OSBPL3: variants seen among roughly 807,000 people sequenced by gnomAD.
OSBPL3 encodes oxysterol binding protein like 3.
OSBPL3 carries 65 observed loss-of-function variants against 120.1 expected under a neutral mutation model. The observed-to-expected ratio is 0.54, with a 90% confidence interval of 0.44 to 0.67. The LOEUF is 0.67. OSBPL3 is among the 30% of genes least tolerant of loss of function. The pLI, the probability that OSBPL3 is intolerant of heterozygous loss-of-function variation, is 0.00. For missense variants in OSBPL3, 1,004 were observed against 1,082.1 expected (o/e 0.93, Z 1.01); for synonymous variants, 416 against 402.6 (o/e 1.03, Z -0.40).
chr7:24,817,477 G>A lies in OSBPL3; in HGVS notation c.1949-789C>T, dbSNP rs2128133614. On this transcript the variant is annotated intron_variant, in intron 17 of 22. Coordinates refer to ENST00000313367, the MANE Select transcript of OSBPL3 (RefSeq NM_015550.4). This position sits in a 1 kb window ranked among gnomAD's most constrained non-coding sequence, Gnocchi z 4.0. ...GCCAAGATCATGCCATTGCACTCCA[G>A]CCTGGGTGATGGAGTGAGATTCTGC... Among the ~76,000 whole-genome samples the A allele has an allele frequency of 6.6e-6, 1 of 152,240 alleles. No homozygotes were observed. The highest frequency in any genetic ancestry group is 1.5e-5 in the Non-Finnish European group (1 of 68,022).
intron 16 of OSBPL3, among the ~76,000 whole-genome samples, chr7:24,828,867 A>G (rs1293213683): frequency 6.6e-6 from 1 of 152,134 alleles, no homozygotes; most frequent in Non-Finnish European, 1.5e-5. Context: ...GCAGGTCTGT[A>G]CATCCTACAC....
intron 6 of OSBPL3, 29 bp downstream of exon 6, chr7:24,866,041 A>G (rs1057031561): frequency 1.9e-6 from 3 of 1,590,238 alleles, no homozygotes; most frequent in Non-Finnish European, 1.7e-6. Flanking sequence ...CCCCGTTCTC[A>G]GATTCATTAT....
At chr7:24,917,401 C>CATATATATAT (rs59525014) in intron 1 of OSBPL3, among the ~76,000 whole-genome samples, 2,870 of 99,898 alleles carry the variant, frequency 0.029, 77 homozygotes, top group African/African-American at 0.04. Flanking sequence ...ATATTTGTAA[C>CATATATATAT]ATATATATAT....
intron 1 of OSBPL3, among the ~76,000 whole-genome samples, chr7:24,897,796 C>CA (rs35730838): frequency 1.3e-5 from 2 of 152,106 alleles, no homozygotes; most frequent in Non-Finnish European, 2.9e-5. Context: ...ACTAGCTCTC[C>CA]AAAAAAGCAA....
rs1806822214 is a variant in OSBPL3 at position 24,900,446 on chromosome 7, A to T, written c.-149-7825T>A. 6.6e-6 allele frequency among the ~76,000 whole-genome samples: 1 copy of T among 152,232 alleles called. No homozygotes were observed. Among genetic ancestry groups the T allele is most frequent in the Non-Finnish European group, 1.5e-5 (1 of 68,042 alleles). On this transcript the variant is annotated intron_variant, in intron 1 of 22. Coordinates refer to ENST00000313367, the MANE Select transcript of OSBPL3 (RefSeq NM_015550.4). The surrounding 1 kb of genome is among the most constrained non-coding windows in gnomAD (Gnocchi z 4.5). Reference sequence around the variant, plus strand: ...GCTTCGTATATATCGTTTCACTTGAAGTCACAGTTTCCAAGAACTTATCAA... The same window carrying T: ...GCTTCGTATATATCGTTTCACTTGATGTCACAGTTTCCAAGAACTTATCAA...
chr7:24,918,118 T>A lies in OSBPL3; in HGVS notation c.-149-25497A>T. On this transcript the variant is annotated intron_variant, in intron 1 of 22. Coordinates refer to ENST00000313367, the MANE Select transcript of OSBPL3 (RefSeq NM_015550.4). The surrounding 1 kb of genome is among the most constrained non-coding windows in gnomAD (Gnocchi z 4.3). The stretch of plus-strand genomic sequence containing the variant: ...TGCTGTTTCTCAGTGTGTATCAGGC[T>A]CACAGCAGCCAGTAATGACACCTGG... The A allele has an allele frequency of 1.0e-6, 1 of 979,204 alleles. No homozygotes were observed. Among genetic ancestry groups the A allele is most frequent in the Non-Finnish European group, 1.2e-6 (1 of 824,298 alleles). The allele number at this position is 979,204 out of a possible 1,614,324, so 60.7% of individuals were successfully genotyped here.
intron 1 of OSBPL3, among the ~76,000 whole-genome samples, chr7:24,961,761 AG>A (rs1815769358): frequency 6.6e-6 from 1 of 152,214 alleles, no homozygotes; most frequent in African/African-American, 2.4e-5. Flanking sequence ...GGGCGCACCA[AG>A]GACTGGCAGT....
In OSBPL3 at chr7:24,938,478, C is replaced by G. The variant is rs559652606; in HGVS notation, c.-150+41408G>C. Among the ~76,000 whole-genome samples the G allele has an allele frequency of 2.6e-5, 4 of 152,314 alleles. No homozygotes were observed. Among genetic ancestry groups the G allele is most frequent in the African/African-American group, 9.6e-5 (4 of 41,570 alleles). On this transcript the variant is annotated intron_variant, in intron 1 of 22. Coordinates refer to ENST00000313367, the MANE Select transcript of OSBPL3 (RefSeq NM_015550.4). The surrounding 1 kb of genome is among the most constrained non-coding windows in gnomAD (Gnocchi z 5.8). The stretch of plus-strand genomic sequence containing the variant: ...GGTAGGCATTCCAAAGCTGATATGG[C>G]AGCTTCATGGTTATAATGACCAAAG...
intron 19 of OSBPL3, 106 bp downstream of exon 19, chr7:24,814,953 T>G: frequency 9.6e-7 from 1 of 1,041,102 alleles, no homozygotes; most frequent in Non-Finnish European, 1.4e-6. Context: ...GCTTGCCTGC[T>G]GGCATAAAGG....
chr7:24,940,146 T>C lies in OSBPL3; in HGVS notation c.-150+39740A>G, dbSNP rs1812911364. Among the ~76,000 whole-genome samples, 1 of 152,168 alleles carries C rather than the reference T, an allele frequency of 6.6e-6. No individual in the cohort carries two copies. Among genetic ancestry groups the C allele is most frequent in the South Asian group, 2.1e-4 (1 of 4,830 alleles). On this transcript the variant is annotated intron_variant, in intron 1 of 22. Transcript: ENST00000313367. This position sits in a 1 kb window ranked among gnomAD's most constrained non-coding sequence, Gnocchi z 4.4. ...ATTCTTGAAGAGCATAATAAAGGTT[T>C]GAAATAGCTGCTACAAAAAAAATGG...
At chr7:24,906,313 G>A (rs1807904646) in intron 1 of OSBPL3, 3 of 248,134 alleles carry the variant, frequency 1.2e-5, no homozygotes, top group Non-Finnish European at 2.5e-5. Context: ...CCACTTATAG[G>A]AGGTGCAGGC....
chr7:24,866,312 G>T, intron 5 of OSBPL3, 75 bp from the exon 6 acceptor site: 2 of 1,100,250 alleles, frequency 1.8e-6, no homozygotes, highest in Non-Finnish European at 1.4e-6. Context: ...TCAAATTGAG[G>T]CCACTCTCAA....
At chr7:24,887,761 G>A (rs1804742992) in intron 2 of OSBPL3, among the ~76,000 whole-genome samples, 1 of 152,130 alleles carries the variant, frequency 6.6e-6, no homozygotes, top group South Asian at 2.1e-4. Context: ...TAAAAACACG[G>A]CAATCTTTCC....
intron 1 of OSBPL3, among the ~76,000 whole-genome samples, chr7:24,893,502 T>G (rs1805660990): frequency 6.6e-6 from 1 of 152,262 alleles, no homozygotes; most frequent in East Asian, 1.9e-4. Flanking sequence ...CAGTTTCTTT[T>G]TGGTGTGATA....
At chr7:24,981,678 G>A (rs1170913326), upstream of OSBPL3, 3 of 152,716 alleles carry the variant, frequency 2.0e-5, no homozygotes, top group Admixed American at 6.5e-5. The surrounding 1 kb of genome is among the most constrained non-coding windows in gnomAD (Gnocchi z 7.3). Flanking sequence ...GCGAGGGCGG[G>A]AGGCGCCAGA....
chr7:24,926,506 C>T (rs1156717100), intron 1 of OSBPL3, among the ~76,000 whole-genome samples: 1 of 152,194 alleles, frequency 6.6e-6, no homozygotes, highest in African/African-American at 2.4e-5. Flanking sequence ...ACATACAAGG[C>T]TCAATTACCC....
At chr7:24,978,283 GA>G (rs1817806487) in intron 1 of OSBPL3, among the ~76,000 whole-genome samples, 1 of 152,224 alleles carries the variant, frequency 6.6e-6, no homozygotes, top group Admixed American at 6.5e-5. Flanking sequence ...AATCAGCTAT[GA>G]AATCCTCATT....
Position 24,815,029 on chromosome 7 carries a change from G to A in OSBPL3, c.2172+30C>T. On this transcript the variant is annotated intron_variant, in intron 19 of 22. Transcript: ENST00000313367. The surrounding 1 kb of genome is among the most constrained non-coding windows in gnomAD (Gnocchi z 5.1). ...CCTGGCTCTGCCACAGCCCTTCCAG[G>A]GTCAGAGCTCAGAGAGTCACTGGAG... The A allele has an allele frequency of 6.2e-7, 1 of 1,609,932 alleles. No homozygotes were observed. The highest frequency in any genetic ancestry group is 8.5e-7 in the Non-Finnish European group (1 of 1,176,528).
At position 24,852,538 on chromosome 7, in the gene OSBPL3, G is replaced by A. The variant is rs754140428; in HGVS notation, c.1124C>T (p.Ala375Val). The change falls in exon 11 of 23, where the codon GCT becomes GTT. Residue 375 changes from alanine to valine, a missense_variant. Physicochemically the swap from Ala to Val is moderately conservative, Grantham distance 64 (BLOSUM62 0). Around this residue, in one of 4 missense-constraint regions of OSBPL3, gnomAD observed 272 missense variants for 248.8 expected, o/e 1.09. Transcript: ENST00000313367. The surrounding 1 kb of genome is among the most constrained non-coding windows in gnomAD (Gnocchi z 4.1). The part of the protein sequence containing the change: ...MEQDASSSPS[A>V]QVIGLKNALS... ...GGCGTTCTTCAGACCAATGACCTGAGCAGACGGGGAGGAGGAGGCATCCTG... is the reference window on the plus strand; with the variant it reads ...GGCGTTCTTCAGACCAATGACCTGAACAGACGGGGAGGAGGAGGCATCCTG... The A allele has an allele frequency of 2.4e-5, 38 of 1,603,502 alleles. No homozygotes were observed. In the South Asian group the frequency reaches 3.8e-4, roughly 16 times the overall value.
Sources: allele counts gnomAD v4.1 joint callset (sites outside exome capture counted in the v4.1 genomes callset), GRCh38; gene constraint gnomAD v4.1.1; regional missense constraint gnomAD v4.1.1; non-coding constraint Gnocchi (gnomAD v3.1); transcripts MANE v1.5; gene names NCBI Gene and HGNC (gene_info 2026-07-23, HGNC 2026-07-21).